RGS7: variants seen among roughly 807,000 people sequenced by gnomAD.
RGS7 encodes the protein regulator of G protein signaling 7, also known as regulator of G-protein signaling 7.
Under a neutral mutation model 81.1 loss-of-function variants are expected in RGS7, and 27 were observed. The ratio of observed to expected loss-of-function variants is 0.33; its 90% CI spans 0.25 to 0.46. RGS7 has a LOEUF of 0.46. Among genes scored for constraint, RGS7 ranks in the 20% least tolerant of loss-of-function variants. The pLI is 1.00. For missense variants in RGS7, 396 were observed against 607.4 expected (o/e 0.65, Z 3.66); for synonymous variants, 208 against 207.7 (o/e 1.00, Z -0.01).
chr1:241,028,761 C>T (rs1372899621), intron 3 of RGS7, among the ~76,000 whole-genome samples: 1 of 152,076 alleles, frequency 6.6e-6, no homozygotes, highest in Non-Finnish European at 1.5e-5. Context: ...AAATAATCAG[C>T]AACAATATTC....
At chr1:241,199,881 G>A (rs1394412290) in intron 2 of RGS7, among the ~76,000 whole-genome samples, 7 of 152,162 alleles carry the variant, frequency 4.6e-5, no homozygotes, top group African/African-American at 1.7e-4. Context: ...AATTCAAGCT[G>A]TACTGCCTGC....
At chr1:241,079,900 A>G (rs6702805) in intron 3 of RGS7, among the ~76,000 whole-genome samples, 12,954 of 152,104 alleles carry the variant, frequency 0.085, 859 homozygotes, top group African/African-American at 0.18. Flanking sequence ...TAACTCACCA[A>G]TGAACAGAAT....
intron 3 of RGS7, among the ~76,000 whole-genome samples, chr1:241,024,352 C>A (rs2059683747): frequency 6.6e-6 from 1 of 152,142 alleles, no homozygotes. Context: ...ATCCTGTATC[C>A]TTGGGAGATC....
intron 2 of RGS7, among the ~76,000 whole-genome samples, chr1:241,166,210 T>A (rs2070223274): frequency 6.6e-6 from 1 of 152,142 alleles, no homozygotes; most frequent in Non-Finnish European, 1.5e-5. Flanking sequence ...GAGTCAGTCC[T>A]TGAAGGATAG....
At position 240,814,861 on chromosome 1, in the gene RGS7, T is replaced by G. The variant is rs116191309; in HGVS notation, c.784-84A>C. The G allele has an allele frequency of 1.7e-3, 1,455 of 873,882 alleles. 17 individuals are homozygous for G. In the African/African-American group the frequency reaches 0.022, roughly 13 times the overall value. 54.1% of individuals were successfully genotyped at this position (873,882 alleles called of 1,614,324 possible). ...TCTAAATCATGATCAGCTGGGCAATTCTGAACAAGAGTATAGTCTACGTCA... is the reference window on the plus strand; with the variant it reads ...TCTAAATCATGATCAGCTGGGCAATGCTGAACAAGAGTATAGTCTACGTCA... On this transcript the variant is annotated intron_variant, in intron 11 of 18. Transcript: ENST00000440928.
intron 2 of RGS7, among the ~76,000 whole-genome samples, chr1:241,292,306 TTAAG>T (rs1306311044): frequency 1.3e-5 from 2 of 152,152 alleles, no homozygotes; most frequent in African/African-American, 4.8e-5. Context: ...ATTATCATTA[TTAAG>T]TATTATGTAC....
intron 2 of RGS7, among the ~76,000 whole-genome samples, chr1:241,106,752 CCA>C (rs778017157): frequency 1.1e-3 from 135 of 121,536 alleles, no homozygotes; most frequent in Admixed American, 2.4e-3. Flanking sequence ...AACACCACCA[CCA>C]CACACACACA....
chr1:241,184,513 T>C (rs1024364368), intron 2 of RGS7, among the ~76,000 whole-genome samples: 4 of 152,216 alleles, frequency 2.6e-5, no homozygotes, highest in Admixed American at 1.3e-4. Flanking sequence ...CAAAACTTTT[T>C]GAGTGCTGAC....
chr1:241,132,562 T>C (rs1412500154), intron 2 of RGS7, among the ~76,000 whole-genome samples: 2 of 151,022 alleles, frequency 1.3e-5, no homozygotes. Flanking sequence ...AAATAATCAA[T>C]ACAGTTGTCA....
intron 2 of RGS7, among the ~76,000 whole-genome samples, chr1:241,182,938 G>A (rs116408115): frequency 0.019 from 2,783 of 145,270 alleles, 87 homozygotes; most frequent in African/African-American, 0.064. Flanking sequence ...CCTCCCAAAC[G>A]TTTTTCTTTT....
At chr1:241,300,373 C>CA (rs1233657895) in intron 2 of RGS7, among the ~76,000 whole-genome samples, 1 of 152,158 alleles carries the variant, frequency 6.6e-6, no homozygotes, top group Non-Finnish European at 1.5e-5. Context: ...ATATATCCAC[C>CA]ATTAGGGTAT....
At chr1:241,077,814 G>A (rs1211869884) in intron 3 of RGS7, among the ~76,000 whole-genome samples, 17 of 152,178 alleles carry the variant, frequency 1.1e-4, no homozygotes, top group Non-Finnish European at 2.1e-4. Context: ...AAAAGAAAGC[G>A]TCTGGATCAC....
intron 2 of RGS7, among the ~76,000 whole-genome samples, chr1:241,282,889 A>G (rs2078600553): frequency 6.6e-6 from 1 of 152,118 alleles, no homozygotes; most frequent in Non-Finnish European, 1.5e-5. Context: ...ATGTGTATAA[A>G]ATTTCATTTT....
chr1:241,342,091 C>T (rs552360732), intron 2 of RGS7, among the ~76,000 whole-genome samples: 3 of 152,000 alleles, frequency 2.0e-5, no homozygotes, highest in South Asian at 4.2e-4. Flanking sequence ...CCAGGCTGGT[C>T]TCAAACTCCT....
At chr1:240,787,185 G>C (rs1685213757) in intron 18 of RGS7, among the ~76,000 whole-genome samples, 1 of 151,840 alleles carries the variant, frequency 6.6e-6, no homozygotes, top group Non-Finnish European at 1.5e-5. Flanking sequence ...AATAACAATA[G>C]GTTTTCTTTT....
At chr1:241,337,164 A>G (rs1470785537) in intron 2 of RGS7, among the ~76,000 whole-genome samples, 1 of 152,186 alleles carries the variant, frequency 6.6e-6, no homozygotes, top group Non-Finnish European at 1.5e-5. Flanking sequence ...AGGAAAATCA[A>G]ACAAAATAAA....
At position 241,214,179 on chromosome 1, in the gene RGS7, G is replaced by A. The variant is rs570515054; in HGVS notation, c.79-115417C>T. Among the ~76,000 whole-genome samples, 7 of 152,118 alleles carry A rather than the reference G, an allele frequency of 4.6e-5. No homozygotes were observed. The East Asian group carries it at 1.2e-3, about 25-fold the overall frequency. On this transcript the variant is annotated intron_variant, in intron 2 of 18. Transcript: ENST00000440928. ...CTTTCAGCCTGAAGACCCCCTCCTT[G>A]AGCATTTCTCATGTTATAGACCTGT... is the stretch of plus-strand genomic sequence containing the variant.
intron 4 of RGS7, among the ~76,000 whole-genome samples, chr1:240,944,637 GA>G (rs1222326710): frequency 6.6e-6 from 1 of 151,856 alleles, no homozygotes. Flanking sequence ...GAAATCATGG[GA>G]AAAAAAGGCT....
At chr1:240,932,633 C>T (rs529516457) in intron 5 of RGS7, among the ~76,000 whole-genome samples, 2 of 150,440 alleles carry the variant, frequency 1.3e-5, no homozygotes, top group South Asian at 2.1e-4. Context: ...CTCAGCCTCC[C>T]AAGTAGCTGG....
Sources: gnomAD v4.1 joint callset for allele counts (sites outside exome capture counted in the v4.1 genomes callset) on GRCh38, gnomAD v4.1.1 for gene constraint, MANE v1.5 for transcripts, NCBI Gene and HGNC (gene_info 2026-07-23, HGNC 2026-07-21) for gene names.